The following CHLSN variants were observed in gnomAD, a reference collection of about 807,000 sequenced individuals.
The protein encoded by CHLSN is cholesin.
At chr7:983,201 G>C in the CHLSN span, 1 of 1,486,878 alleles carries the variant, frequency 6.7e-7, no homozygotes, top group African/African-American at 1.4e-5. Context: ...AGCCTCACCA[G>C]CCACGTCCTC....
chr7:1,130,135 G>A, the CHLSN span, among the ~76,000 whole-genome samples: 1 of 152,228 alleles, frequency 6.6e-6, no homozygotes, highest in African/African-American at 2.4e-5. Flanking sequence ...GAGGGTGGAT[G>A]CGGCATTCAA....
the CHLSN span, chr7:987,040 G>A: frequency 1.4e-6 from 2 of 1,432,894 alleles, no homozygotes; most frequent in Non-Finnish European, 9.1e-7. Context: ...CCCAGGGCTG[G>A]GCTGGGTCTG....
chr7:1,002,006 A>G, the CHLSN span, among the ~76,000 whole-genome samples: 1 of 22,894 alleles, frequency 4.4e-5, no homozygotes, highest in Admixed American at 5.3e-4. Flanking sequence ...CCTGTGGGTG[A>G]GTGGAGTCCT....
At chr7:1,124,129 C>G in the CHLSN span, among the ~76,000 whole-genome samples, 78,918 of 152,096 alleles carry the variant, frequency 0.52, 21,008 homozygotes, top group African/African-American at 0.59. Context: ...TGCTTTCCAG[C>G]TTTCTTTTAA....
chr7:1,116,440 C>T, the CHLSN span, among the ~76,000 whole-genome samples: 4 of 130,148 alleles, frequency 3.1e-5, no homozygotes, highest in East Asian at 2.6e-4. Context: ...CTTCCATCAC[C>T]GACGTCCACG....
At chr7:1,004,127 G>A in the CHLSN span, among the ~76,000 whole-genome samples, 1 of 152,058 alleles carries the variant, frequency 6.6e-6, no homozygotes, top group Non-Finnish European at 1.5e-5. Context: ...GGGGCCTCCA[G>A]GGAGGTTTAA....
chr7:1,045,159 A>G, the CHLSN span, among the ~76,000 whole-genome samples: 1 of 152,246 alleles, frequency 6.6e-6, no homozygotes, highest in Non-Finnish European at 1.5e-5. Flanking sequence ...TCCAGCCGCC[A>G]AACCACCACT....
the CHLSN span, chr7:983,254 TG>T: frequency 7.8e-6 from 12 of 1,536,434 alleles, no homozygotes; most frequent in East Asian, 2.5e-5. Context: ...CCTGGGGCTC[TG>T]GGGGCTGCTC....
At chr7:1,009,972 G>A in the CHLSN span, 6 of 1,569,684 alleles carry the variant, frequency 3.8e-6, no homozygotes, top group Non-Finnish European at 5.2e-6. Flanking sequence ...TCCAGGGCCA[G>A]TTCGGCCCCC....
the CHLSN span, among the ~76,000 whole-genome samples, chr7:1,089,424 T>C: frequency 1.4e-5 from 1 of 72,440 alleles, no homozygotes; most frequent in Non-Finnish European, 2.9e-5. Context: ...TGGTGTGATC[T>C]CGGCTGAGGC....
At chr7:1,023,051 C>T in the CHLSN span, 1 of 450,204 alleles carries the variant, frequency 2.2e-6, no homozygotes, top group Non-Finnish European at 4.5e-6. The surrounding 1 kb of genome is among the most constrained non-coding windows in gnomAD (Gnocchi z 5.0). Flanking sequence ...AGGACGCTTC[C>T]TGCCACCCCT....
At chr7:1,099,215 G>A in the CHLSN span, among the ~76,000 whole-genome samples, 2 of 150,034 alleles carry the variant, frequency 1.3e-5, no homozygotes, top group Admixed American at 6.6e-5. Context: ...TCCTGCAGCC[G>A]GCCTCCCCTT....
the CHLSN span, among the ~76,000 whole-genome samples, chr7:1,120,024 G>A: frequency 1.3e-4 from 20 of 151,794 alleles, no homozygotes; most frequent in East Asian, 9.6e-4. Flanking sequence ...CACTTCTTTC[G>A]GAAGAAAAAA....
At chr7:1,113,766 T>G in the CHLSN span, among the ~76,000 whole-genome samples, 16 of 152,122 alleles carry the variant, frequency 1.1e-4, no homozygotes, top group African/African-American at 3.9e-4. Context: ...TGCCTGTAAT[T>G]CCTACCCGCG....
At chr7:1,049,906 T>C in the CHLSN span, among the ~76,000 whole-genome samples, 3 of 152,142 alleles carry the variant, frequency 2.0e-5, no homozygotes, top group African/African-American at 7.2e-5. Context: ...TGGGCCCTCC[T>C]GATTGCCTCC....
At chr7:1,085,090 G>A in the CHLSN span, among the ~76,000 whole-genome samples, 1 of 152,356 alleles carries the variant, frequency 6.6e-6, no homozygotes, top group Middle Eastern at 3.4e-3. Flanking sequence ...TTTCCTACGT[G>A]GCATTCACTC....
the CHLSN span, among the ~76,000 whole-genome samples, chr7:1,017,606 C>T: frequency 1.3e-5 from 2 of 152,112 alleles, no homozygotes; most frequent in Non-Finnish European, 2.9e-5. Context: ...ACACACCCTC[C>T]TGCACCTTCT....
the CHLSN span, among the ~76,000 whole-genome samples, chr7:1,094,444 T>C: frequency 6.6e-6 from 1 of 152,234 alleles, no homozygotes; most frequent in Non-Finnish European, 1.5e-5. Context: ...TGTTTTTTAT[T>C]TGTGATAACA....
At chr7:1,002,815 G>T in the CHLSN span, among the ~76,000 whole-genome samples, 1 of 88,302 alleles carries the variant, frequency 1.1e-5, no homozygotes, top group Non-Finnish European at 2.4e-5. Context: ...TGTGGGTGGG[G>T]AGTCCTGTGG....
Sources: allele counts gnomAD v4.1 joint callset (sites outside exome capture counted in the v4.1 genomes callset), GRCh38; gene constraint gnomAD v4.1.1; non-coding constraint Gnocchi (gnomAD v3.1); transcripts MANE v1.5; gene names NCBI Gene and HGNC (gene_info 2026-07-23, HGNC 2026-07-21).